The following MOB4 variants were observed in gnomAD, a reference collection of about 807,000 sequenced individuals.
MOB4 encodes MOB family member 4, phocein.
A neutral mutation model predicts 32.2 loss-of-function variants in MOB4; 4 were observed. The ratio of observed to expected loss-of-function variants is 0.12; its 90% CI spans 0.06 to 0.28. MOB4 has a LOEUF of 0.28. Ranked by LOEUF, MOB4 falls within the 10% of genes least tolerant of loss-of-function variation. The pLI is 1.00. For synonymous variants in MOB4, 88 were observed against 88.1 expected (o/e 1.00, Z 0.01); for missense variants, 158 against 271.2 (o/e 0.58, Z 2.93).
chr2:197,535,898 T>C (rs1204836313), intron 3 of MOB4, among the ~76,000 whole-genome samples: 1 of 150,534 alleles, frequency 6.6e-6, no homozygotes, highest in Non-Finnish European at 1.5e-5. Flanking sequence ...TCTTTTCTTT[T>C]CTTTTTTTTT....
At chr2:197,544,306 A>G (rs924306522) in intron 5 of MOB4, among the ~76,000 whole-genome samples, 14 of 152,140 alleles carry the variant, frequency 9.2e-5, no homozygotes, top group Non-Finnish European at 1.2e-4. Flanking sequence ...TCCTGGCCTC[A>G]AGTGATCCAC....
chr2:197,536,261 T>C (rs1314283292), intron 3 of MOB4, among the ~76,000 whole-genome samples: 1 of 152,132 alleles, frequency 6.6e-6, no homozygotes, highest in African/African-American at 2.4e-5. Context: ...TGGAATGCAG[T>C]GGTGCAATCT....
intron 2 of MOB4, among the ~76,000 whole-genome samples, chr2:197,535,284 C>T (rs147379018): frequency 6.7e-6 from 1 of 150,336 alleles, no homozygotes; most frequent in African/African-American, 2.4e-5. Flanking sequence ...CCAGTCCTGA[C>T]AAATACAATA....
chr2:197,546,584 A>T (rs183428920), intron 5 of MOB4, among the ~76,000 whole-genome samples: 2 of 151,852 alleles, frequency 1.3e-5, no homozygotes, highest in East Asian at 3.9e-4. Context: ...TTTTGTAGAG[A>T]TAGGGGCATT....
chr2:197,552,485 G>A lies in MOB4; in HGVS notation c.*1839G>A, dbSNP rs891116579. 3.3e-5 allele frequency: 5 copies of A among 152,298 alleles called. No individual in the cohort carries two copies. The highest frequency in any genetic ancestry group is 1.2e-4 in the African/African-American group (5 of 41,450). The allele number at this position is 152,298 out of a possible 1,614,324, so 9.4% of individuals were successfully genotyped here. On this transcript the variant is annotated 3_prime_UTR_variant, in exon 8 of 8. Coordinates refer to ENST00000323303, the MANE Select transcript of MOB4 (RefSeq NM_015387.5). Reference sequence around the variant, plus strand: ...GACTGAGATTTGGTGATCTGGCTGAGTATTTTGAAACACATTTTGAATAAT... The same window carrying A: ...GACTGAGATTTGGTGATCTGGCTGAATATTTTGAAACACATTTTGAATAAT...
chr2:197,538,476 T>C (rs2086841791), intron 3 of MOB4, among the ~76,000 whole-genome samples: 1 of 151,976 alleles, frequency 6.6e-6, no homozygotes. Context: ...TATATAATGA[T>C]GTTAATTTAG....
At chr2:197,525,833 C>G (rs1473611335) in intron 2 of MOB4, among the ~76,000 whole-genome samples, 1 of 152,002 alleles carries the variant, frequency 6.6e-6, no homozygotes, top group South Asian at 2.1e-4. Flanking sequence ...AGATCTAGCT[C>G]TATGCCTAGA....
intron 2 of MOB4, among the ~76,000 whole-genome samples, chr2:197,524,773 C>CT (rs1272540797): frequency 6.6e-6 from 1 of 151,488 alleles, no homozygotes; most frequent in African/African-American, 2.4e-5. Context: ...GTCACTGCAC[C>CT]TGTCTTTTTT....
At chr2:197,531,932 G>T (rs1445603825) in intron 2 of MOB4, among the ~76,000 whole-genome samples, 1 of 151,232 alleles carries the variant, frequency 6.6e-6, no homozygotes, top group Non-Finnish European at 1.5e-5. Context: ...CTTTTTTTTT[G>T]AGATAGAGTC....
intron 5 of MOB4, 107 bp downstream of exon 5, chr2:197,540,544 C>A: frequency 9.1e-7 from 1 of 1,098,876 alleles, no homozygotes; most frequent in Non-Finnish European, 1.2e-6. Flanking sequence ...GTTCATTTTG[C>A]TATTTCATTT....
At chr2:197,549,411 A>G (rs1448214360) in intron 6 of MOB4, among the ~76,000 whole-genome samples, 2 of 152,136 alleles carry the variant, frequency 1.3e-5, no homozygotes, top group East Asian at 3.8e-4. Context: ...ACCAAATATG[A>G]TTAGCTTCAA....
At chr2:197,534,102 T>A in intron 2 of MOB4, 1 of 291,028 alleles carries the variant, frequency 3.4e-6, no homozygotes, top group Non-Finnish European at 6.8e-6. Context: ...TTTCTTTTGG[T>A]TTCTATGCTC....
intron 1 of MOB4, 64 bp downstream of exon 1, chr2:197,516,210 G>T (rs2086408577): frequency 6.5e-7 from 1 of 1,544,560 alleles, no homozygotes; most frequent in Admixed American, 2.0e-5. Context: ...CCCGGAAGCT[G>T]GCCGCCACTG....
At chr2:197,530,042 TCA>T (rs1413167188) in intron 2 of MOB4, among the ~76,000 whole-genome samples, 1 of 151,172 alleles carries the variant, frequency 6.6e-6, no homozygotes, top group East Asian at 2.0e-4. Flanking sequence ...CGATCTCGCC[TCA>T]CTGCAATCCC....
rs1200338856 is a variant in MOB4 at position 197,525,900 on chromosome 2, G to T, written c.123+2214G>T. On this transcript the variant is annotated intron_variant, in intron 2 of 7. Coordinates refer to ENST00000323303, the MANE Select transcript of MOB4 (RefSeq NM_015387.5). ...ATGGTTATCTCTTTAAAAATAGGGG[G>T]AAGTGTCCTGTTTGTTGAATTTGTT... Among the ~76,000 whole-genome samples the T allele has an allele frequency of 3.9e-5, 6 of 152,052 alleles. No individual in the cohort carries two copies. The East Asian group carries it at 1.2e-3, about 29-fold the overall frequency.
intron 4 of MOB4, 64 bp from the exon 5 acceptor site, chr2:197,540,287 A>G (rs2086875356): frequency 6.8e-7 from 1 of 1,470,140 alleles, no homozygotes; most frequent in Non-Finnish European, 9.0e-7. Flanking sequence ...GAAATATAGT[A>G]ACCTAAATGA....
intron 6 of MOB4, 67 bp downstream of exon 6, chr2:197,548,482 G>A (rs1037908937): frequency 7.9e-5 from 32 of 403,148 alleles, no homozygotes; most frequent in Non-Finnish European, 1.3e-4. Context: ...GTATTTTAGG[G>A]GGGAGGGGGG....
chr2:197,531,483 C>CT (rs950355995), intron 2 of MOB4, among the ~76,000 whole-genome samples: 9 of 152,162 alleles, frequency 5.9e-5, no homozygotes, highest in East Asian at 1.9e-4. Flanking sequence ...CCCTATTCCT[C>CT]TTTTTTTTCT....
chr2:197,540,536 T>G, intron 5 of MOB4, 99 bp downstream of exon 5: 1 of 1,150,746 alleles, frequency 8.7e-7, no homozygotes, highest in Non-Finnish European at 1.2e-6. Flanking sequence ...AGTTCACTGT[T>G]CATTTTGCTA....
Sources: gnomAD v4.1 joint callset for allele counts (sites outside exome capture counted in the v4.1 genomes callset) on GRCh38, gnomAD v4.1.1 for gene constraint, MANE v1.5 for transcripts, NCBI Gene and HGNC (gene_info 2026-07-23, HGNC 2026-07-21) for gene names.